Variants in TAFA1 observed in about 807,000 individuals in gnomAD.
The protein encoded by TAFA1 is chemokine-like protein TAFA-1.
In TAFA1, 4 loss-of-function variants were observed where a neutral mutation model predicts 18.5. That is an observed-to-expected ratio of 0.22 (90% CI 0.11 to 0.49). TAFA1 has a LOEUF of 0.49. Ranked by LOEUF, TAFA1 falls within the 20% of genes least tolerant of loss-of-function variation. The pLI is 0.98. For missense variants in TAFA1, 147 were observed against 169.0 expected, an observed-to-expected ratio of 0.87 and a Z score of 0.72; for synonymous variants, 56 against 55.2, an observed-to-expected ratio of 1.01 and a Z score of -0.06.
chr3:68,333,749 A>G (rs975105460), intron 2 of TAFA1, among the ~76,000 whole-genome samples: 1 of 152,238 alleles, frequency 6.6e-6, no homozygotes, highest in Non-Finnish European at 1.5e-5. Context: ...AGCATTATTC[A>G]CAATAGCCAA....
chr3:68,031,041 T>C (rs1324280897), intron 2 of TAFA1, among the ~76,000 whole-genome samples: 1 of 152,170 alleles, frequency 6.6e-6, no homozygotes, highest in African/African-American at 2.4e-5. Context: ...TTCTAAAATA[T>C]GTTGCTACTC....
chr3:68,200,985 A>G (rs531828403), intron 2 of TAFA1, among the ~76,000 whole-genome samples: 4 of 151,760 alleles, frequency 2.6e-5, no homozygotes, highest in African/African-American at 9.6e-5. Context: ...TCTAATATAT[A>G]CATTCAATAT....
chr3:68,334,763 C>A (rs752971463), intron 2 of TAFA1, among the ~76,000 whole-genome samples: 2 of 152,048 alleles, frequency 1.3e-5, no homozygotes, highest in Non-Finnish European at 2.9e-5. Context: ...GTCATTGAGA[C>A]ACATTGATAT....
At chr3:68,255,555 G>A (rs1316148871) in intron 2 of TAFA1, among the ~76,000 whole-genome samples, 1 of 152,082 alleles carries the variant, frequency 6.6e-6, no homozygotes, top group Non-Finnish European at 1.5e-5. Flanking sequence ...TCTGGGATTT[G>A]GAGCTAAATG....
At chr3:68,180,977 C>T (rs527465902) in intron 2 of TAFA1, among the ~76,000 whole-genome samples, 2 of 152,328 alleles carry the variant, frequency 1.3e-5, no homozygotes, top group East Asian at 3.9e-4. Context: ...CCTTCTCTAG[C>T]CTAGCTGGTT....
chr3:68,035,119 A>G (rs919671355), intron 2 of TAFA1, among the ~76,000 whole-genome samples: 2 of 152,052 alleles, frequency 1.3e-5, no homozygotes, highest in African/African-American at 2.4e-5. Context: ...TATTTCCCAG[A>G]TCTTGTCATC....
chr3:68,059,661 C>T (rs1019271991), intron 2 of TAFA1, among the ~76,000 whole-genome samples: 9 of 152,150 alleles, frequency 5.9e-5, no homozygotes, highest in Admixed American at 5.9e-4. Context: ...TGCACAATGA[C>T]AGAGGGGCCT....
chr3:68,013,127 C>G (rs1704504702), intron 2 of TAFA1, among the ~76,000 whole-genome samples: 1 of 152,214 alleles, frequency 6.6e-6, no homozygotes, highest in South Asian at 2.1e-4. Context: ...TTATCTCTCA[C>G]TTCTACTGAG....
intron 2 of TAFA1, among the ~76,000 whole-genome samples, chr3:68,014,536 G>A (rs369386646): frequency 1.1e-4 from 17 of 152,128 alleles, no homozygotes; most frequent in South Asian, 2.1e-4. Context: ...AGATGAGAGC[G>A]TGGGAAGGAA....
At chr3:68,171,536 T>G (rs1300019312) in intron 2 of TAFA1, among the ~76,000 whole-genome samples, 2 of 149,644 alleles carry the variant, frequency 1.3e-5, no homozygotes, top group Non-Finnish European at 3.0e-5. Context: ...TTATATATTT[T>G]AAAAGTCCAC....
At chr3:68,328,275 G>A (rs577076516) in intron 2 of TAFA1, among the ~76,000 whole-genome samples, 2 of 152,286 alleles carry the variant, frequency 1.3e-5, no homozygotes, top group African/African-American at 4.8e-5. Flanking sequence ...CTTGGGCTGT[G>A]TGGAGTGTTG....
intron 2 of TAFA1, among the ~76,000 whole-genome samples, chr3:68,323,276 C>G (rs777634922): frequency 6.6e-6 from 1 of 152,180 alleles, no homozygotes; most frequent in African/African-American, 2.4e-5. Context: ...CTGTACAATA[C>G]ATTAGCTGCC....
chr3:68,475,677 T>C (rs572401365), intron 3 of TAFA1, among the ~76,000 whole-genome samples: 4 of 152,196 alleles, frequency 2.6e-5, no homozygotes, highest in Admixed American at 6.5e-5. Context: ...ATATACCCAG[T>C]AATGGGATGG....
intron 2 of TAFA1, among the ~76,000 whole-genome samples, chr3:68,124,401 C>T (rs1559529270): frequency 6.6e-6 from 1 of 152,112 alleles, no homozygotes; most frequent in Non-Finnish European, 1.5e-5. Context: ...TGTATGTGGC[C>T]CATAAGGATG....
At chr3:68,450,973 A>C (rs151100059) in intron 3 of TAFA1, among the ~76,000 whole-genome samples, 6 of 152,268 alleles carry the variant, frequency 3.9e-5, no homozygotes, top group African/African-American at 1.4e-4. Flanking sequence ...AACGAAAATG[A>C]AGTTACATTA....
intron 2 of TAFA1, among the ~76,000 whole-genome samples, chr3:68,404,023 T>C (rs1428986608): frequency 1.3e-5 from 2 of 152,140 alleles, no homozygotes; most frequent in African/African-American, 4.8e-5. Context: ...AGCAAACACA[T>C]TGCTCCTGTA....
At chr3:68,074,058 C>G (rs998821951) in intron 2 of TAFA1, among the ~76,000 whole-genome samples, 17 of 152,162 alleles carry the variant, frequency 1.1e-4, no homozygotes, top group African/African-American at 3.4e-4. Flanking sequence ...TTTCCTGCAA[C>G]TAGACAGTCC....
intron 2 of TAFA1, among the ~76,000 whole-genome samples, chr3:68,276,238 T>A (rs561653656): frequency 6.6e-6 from 1 of 151,714 alleles, no homozygotes; most frequent in African/African-American, 2.4e-5. Context: ...AAGAAAAAAA[T>A]TATCTAAAGC....
chr3:68,080,690 G>T (rs1208386485), intron 2 of TAFA1, among the ~76,000 whole-genome samples: 1 of 152,186 alleles, frequency 6.6e-6, no homozygotes, highest in Non-Finnish European at 1.5e-5. Flanking sequence ...TCTGCTGTTA[G>T]TCTGATGGCT....
Sources: allele counts gnomAD v4.1 joint callset (sites outside exome capture counted in the v4.1 genomes callset), GRCh38; gene constraint gnomAD v4.1.1; transcripts MANE v1.5; gene names NCBI Gene and HGNC (gene_info 2026-07-23, HGNC 2026-07-21).